MBD5: variants seen among roughly 807,000 people sequenced by gnomAD.
MBD5 encodes methyl-CpG-binding domain protein 5.
MBD5 carries 13 observed loss-of-function variants against 117.3 expected under a neutral mutation model. That is an observed-to-expected ratio of 0.11 (90% confidence interval 0.07 to 0.18). The LOEUF is 0.18. Ranked by LOEUF, MBD5 falls within the 10% of genes least tolerant of loss-of-function variation. The probability of loss-of-function intolerance (pLI) is 1.00; values close to 1 mark genes in which losing one functional copy is unlikely to be tolerated. For missense variants in MBD5, 1,879 were observed against 2,093.8 expected (o/e 0.90, Z 2.00); for synonymous variants, 727 against 766.4 (o/e 0.95, Z 0.85).
chr2:148,509,051 A>T (rs1213395223), intron 12 of MBD5, among the ~76,000 whole-genome samples: 1 of 152,204 alleles, frequency 6.6e-6, no homozygotes, highest in Non-Finnish European at 1.5e-5. Context: ...AAACTCTCCC[A>T]CGACTGCAAA....
At chr2:148,087,303 C>G (rs1695821009) in intron 1 of MBD5, among the ~76,000 whole-genome samples, 3 of 152,204 alleles carry the variant, frequency 2.0e-5, no homozygotes, top group Non-Finnish European at 4.4e-5. Context: ...AACCAACAAC[C>G]CCGCTCCAAG....
intron 1 of MBD5, among the ~76,000 whole-genome samples, chr2:148,156,427 G>T (rs114290012): frequency 4.6e-5 from 7 of 152,072 alleles, no homozygotes; most frequent in Admixed American, 4.6e-4. Flanking sequence ...CTTTCGTCCC[G>T]CCAACCTCAT....
At chr2:148,450,185 C>T (rs961414675) in intron 4 of MBD5, among the ~76,000 whole-genome samples, 3 of 152,072 alleles carry the variant, frequency 2.0e-5, no homozygotes, top group African/African-American at 7.2e-5. Context: ...TCTACATTAA[C>T]TAACTTTTTT....
intron 12 of MBD5, among the ~76,000 whole-genome samples, chr2:148,507,759 C>CAA (rs546859373): frequency 6.1e-4 from 41 of 67,698 alleles, no homozygotes; most frequent in African/African-American, 1.8e-3. Context: ...GACTCCGTCT[C>CAA]AAAAAAAAAA....
chr2:148,334,683 G>T (rs1574302147), intron 3 of MBD5, among the ~76,000 whole-genome samples: 1 of 151,980 alleles, frequency 6.6e-6, no homozygotes, highest in African/African-American at 2.4e-5. Context: ...ATTTTAGTTT[G>T]GTTTTGGAAA....
intron 1 of MBD5, among the ~76,000 whole-genome samples, chr2:148,141,853 C>T (rs888730131): frequency 3.3e-5 from 5 of 151,730 alleles, no homozygotes; most frequent in African/African-American, 4.8e-5. Flanking sequence ...GGCTTACATC[C>T]GTAATCCCAC....
intron 4 of MBD5, among the ~76,000 whole-genome samples, chr2:148,373,835 T>C (rs971215308): frequency 1.3e-5 from 2 of 152,172 alleles, no homozygotes; most frequent in African/African-American, 4.8e-5. Flanking sequence ...GGCTTTCCTC[T>C]GTCCTCTGTC....
chr2:148,054,689 C>T (rs1694808849), intron 1 of MBD5: 2 of 152,140 alleles, frequency 1.3e-5, no homozygotes, highest in Admixed American at 6.5e-5. Context: ...TTGTATTTTA[C>T]ATAAGTATTA....
intron 4 of MBD5, among the ~76,000 whole-genome samples, chr2:148,418,951 A>C (rs1705510340): frequency 6.6e-6 from 1 of 152,228 alleles, no homozygotes; most frequent in African/African-American, 2.4e-5. Flanking sequence ...ATCTGGAGGC[A>C]TCACATTACC....
chr2:148,441,413 T>C (rs1478607038), intron 4 of MBD5, among the ~76,000 whole-genome samples: 1 of 152,122 alleles, frequency 6.6e-6, no homozygotes, highest in African/African-American at 2.4e-5. Flanking sequence ...GCTTCATCCA[T>C]GTCCCTACAA....
chr2:148,376,198 T>G (rs1445282909), intron 4 of MBD5, among the ~76,000 whole-genome samples: 1 of 151,998 alleles, frequency 6.6e-6, no homozygotes, highest in Non-Finnish European at 1.5e-5. Flanking sequence ...TTGTAAAAAT[T>G]TGTTAAGCTC....
intron 4 of MBD5, among the ~76,000 whole-genome samples, chr2:148,442,226 C>T (rs1030593215): frequency 4.0e-5 from 6 of 151,490 alleles, no homozygotes; most frequent in Admixed American, 6.6e-5. Context: ...TATCTTATGG[C>T]GACTAGCTCA....
intron 2 of MBD5, among the ~76,000 whole-genome samples, chr2:148,231,088 C>T (rs1402112868): frequency 1.3e-5 from 2 of 152,116 alleles, no homozygotes; most frequent in African/African-American, 4.8e-5. Flanking sequence ...TCCTCCAGTC[C>T]ACTGTCTCTG....
chr2:148,297,777 T>C (rs1443007539), intron 3 of MBD5, among the ~76,000 whole-genome samples: 2 of 152,146 alleles, frequency 1.3e-5, no homozygotes, highest in Non-Finnish European at 2.9e-5. Context: ...ACTACTTAGC[T>C]TATTTCTCTC....
intron 3 of MBD5, among the ~76,000 whole-genome samples, chr2:148,255,977 T>A (rs1316967919): frequency 6.6e-6 from 1 of 152,250 alleles, no homozygotes; most frequent in African/African-American, 2.4e-5. Flanking sequence ...GCCTGGATGG[T>A]GTTCTGTTGG....
chr2:148,418,262 T>G (rs188487756), intron 4 of MBD5, among the ~76,000 whole-genome samples: 160 of 152,330 alleles, frequency 1.1e-3, no homozygotes, highest in Admixed American at 1.8e-3. Flanking sequence ...CTCTGATGAT[T>G]ATTTCTTTTG....
chr2:148,345,742 T>C lies in MBD5; in HGVS notation c.-557+3406T>C, dbSNP rs528876601. On this transcript the variant is annotated intron_variant, in intron 4 of 13. Transcript: ENST00000642680. ...ATATGGAAGTTTATTAAGCATTAAC[T>C]TACAGGATCACAAGGTCCCACAGTA... Among the ~76,000 whole-genome samples, 40 of 150,940 alleles carry C rather than the reference T, an allele frequency of 2.7e-4. No homozygotes were observed. The South Asian group carries it at 7.9e-3, about 30-fold the overall frequency.
At chr2:148,258,390 T>G (rs1468887139) in intron 3 of MBD5, among the ~76,000 whole-genome samples, 2 of 152,120 alleles carry the variant, frequency 1.3e-5, no homozygotes, top group Non-Finnish European at 2.9e-5. Context: ...GCCCAGAAAC[T>G]TATTCAGGTT....
At chr2:148,253,601 G>A (rs1700515658) in intron 3 of MBD5, among the ~76,000 whole-genome samples, 1 of 152,122 alleles carries the variant, frequency 6.6e-6, no homozygotes, top group African/African-American at 2.4e-5. Context: ...ATTCTATACT[G>A]TAGTCTATTA....
Sources: allele counts gnomAD v4.1 joint callset (sites outside exome capture counted in the v4.1 genomes callset), GRCh38; gene constraint gnomAD v4.1.1; transcripts MANE v1.5; gene names NCBI Gene and HGNC (gene_info 2026-07-23, HGNC 2026-07-21).